CD109: variants seen among roughly 807,000 people sequenced by gnomAD.
CD109 encodes the protein CD109 molecule, also known as CD109 antigen.
Under a neutral mutation model 165.8 loss-of-function variants are expected in CD109, and 149 were observed. The ratio of observed to expected loss-of-function variants is 0.90; its 90% CI spans 0.79 to 1.03. The LOEUF is 1.03. Ranked by LOEUF, CD109 falls within the 50% of genes least tolerant of loss-of-function variation. CD109 has a pLI of 0.00. For synonymous variants in CD109, 585 were observed against 592.1 expected, an observed-to-expected ratio of 0.99 and a Z score of 0.18; for missense variants, 1,712 against 1,677.8, an observed-to-expected ratio of 1.02 and a Z score of -0.36.
At chr6:73,726,008 C>T (rs895480389) in intron 3 of CD109, among the ~76,000 whole-genome samples, 21 of 152,070 alleles carry the variant, frequency 1.4e-4, no homozygotes, top group African/African-American at 4.8e-4. Flanking sequence ...AGTGTATGGA[C>T]AAATTTGATA....
chr6:73,774,141 A>G (rs192536395), intron 15 of CD109, among the ~76,000 whole-genome samples: 6 of 152,048 alleles, frequency 3.9e-5, no homozygotes, highest in Admixed American at 2.6e-4. Flanking sequence ...TATATTTGCT[A>G]TGCGTATTTT....
chr6:73,750,194 T>C (rs1043472114), intron 5 of CD109, among the ~76,000 whole-genome samples: 10 of 152,102 alleles, frequency 6.6e-5, no homozygotes, highest in African/African-American at 2.4e-4. Context: ...AAAAGGTACC[T>C]GGGAATTTCA....
At chr6:73,792,181 C>G (rs1047539245) in intron 22 of CD109, among the ~76,000 whole-genome samples, 1 of 152,070 alleles carries the variant, frequency 6.6e-6, no homozygotes, top group Non-Finnish European at 1.5e-5. Context: ...ACACTACAAT[C>G]CTCATTGTTT....
chr6:73,816,830 G>A (rs75509305), intron 30 of CD109, among the ~76,000 whole-genome samples: 3,605 of 152,210 alleles, frequency 0.024, 162 homozygotes, highest in African/African-American at 0.082. Context: ...GAGACATCAA[G>A]TGAAGAAACA....
rs376360514 is a variant in CD109 at position 73,806,708 on chromosome 6, C to CT, written c.2961-134dup. Reference sequence around the variant, plus strand: ...CTTTCTTTTTTGATTTTTTTCTTTCCTTGTTCCATCTTCAGTGATTCCCCC... The same window carrying CT: ...CTTTCTTTTTTGATTTTTTTCTTTCCTTTGTTCCATCTTCAGTGATTCCCCC... On this transcript the variant is annotated intron_variant, in intron 24 of 32. Transcript: ENST00000287097. 1.8e-4 allele frequency: 109 copies of CT among 615,636 alleles called. 1 individual carries two copies. The African/African-American group carries it at 1.8e-3, about 10-fold the overall frequency. 38.1% of individuals were successfully genotyped at this position (615,636 alleles called of 1,614,324 possible). A position where few individuals can be genotyped will look rare whatever the true frequency, so the allele number is the denominator to read the frequency against.
At chr6:73,788,025 C>G (rs1774762865) in intron 21 of CD109, among the ~76,000 whole-genome samples, 1 of 152,062 alleles carries the variant, frequency 6.6e-6, no homozygotes, top group Admixed American at 6.6e-5. Flanking sequence ...CAAGGCCAGT[C>G]CATGAGATGC....
chr6:73,760,186 T>C (rs1044379188), intron 7 of CD109, among the ~76,000 whole-genome samples: 2 of 151,678 alleles, frequency 1.3e-5, no homozygotes, highest in Non-Finnish European at 2.9e-5. Context: ...GGCGGGCGGG[T>C]CACAAGGTCA....
At chr6:73,724,009 A>G (rs71555213) in intron 3 of CD109, among the ~76,000 whole-genome samples, 19 of 152,238 alleles carry the variant, frequency 1.2e-4, no homozygotes, top group Admixed American at 7.2e-4. Flanking sequence ...GAGCAGTGCC[A>G]TGCTGAGACA....
chr6:73,748,117 G>A (rs1361596319), intron 5 of CD109, among the ~76,000 whole-genome samples: 1 of 152,016 alleles, frequency 6.6e-6, no homozygotes, highest in Non-Finnish European at 1.5e-5. Context: ...TGATCTGCCT[G>A]CCTCAACCTT....
chr6:73,788,633 C>CA, intron 22 of CD109, 21 bp downstream of exon 22: 1 of 1,578,644 alleles, frequency 6.3e-7, no homozygotes, highest in South Asian at 1.1e-5. Flanking sequence ...AGTATATCAC[C>CA]ATCTATTGGT....
At chr6:73,782,236 C>T (rs1774535128) in intron 17 of CD109, among the ~76,000 whole-genome samples, 1 of 152,164 alleles carries the variant, frequency 6.6e-6, no homozygotes, top group African/African-American at 2.4e-5. Flanking sequence ...GTTATGAAGT[C>T]ATTATGATCT....
intron 23 of CD109, among the ~76,000 whole-genome samples, chr6:73,802,285 G>GTATATATATA (rs1386422247): frequency 2.3e-4 from 23 of 99,606 alleles, no homozygotes; most frequent in African/African-American, 5.7e-4. Context: ...GTGTGTGTGT[G>GTATATATATA]TGTGTATATA....
intron 23 of CD109, among the ~76,000 whole-genome samples, chr6:73,793,720 GT>G (rs1034268321): frequency 2.0e-4 from 31 of 152,306 alleles, no homozygotes; most frequent in African/African-American, 7.5e-4. Flanking sequence ...GCTTACCAAA[GT>G]TACAGTCTCA....
chr6:73,728,004 T>C (rs926733508), intron 3 of CD109, among the ~76,000 whole-genome samples: 4 of 152,132 alleles, frequency 2.6e-5, no homozygotes, highest in Non-Finnish European at 5.9e-5. Flanking sequence ...TAGGGCGTCC[T>C]GGTACACAAA....
chr6:73,780,492 C>T lies in CD109; in HGVS notation c.1896C>T (p.Val632=), dbSNP rs1316930747. The part of the protein sequence containing the change: ...YLGMFMNSFA[V]FQECGLWVLT... ...GCATGTTCATGAATTCTTTTGCAGT[C>T]TTTCAGGTATGTTTTGCTTGCTATA... is the stretch of plus-strand genomic sequence containing the variant. The change falls in exon 16 of 33, where the codon GTC becomes GTT. Residue 632 remains valine (V), a synonymous_variant. Coordinates refer to ENST00000287097, the MANE Select transcript of CD109 (RefSeq NM_133493.5). 3 of 1,602,020 alleles carry T rather than the reference C, an allele frequency of 1.9e-6. No individual in the cohort carries two copies. The South Asian group carries it at 3.3e-5, about 18-fold the overall frequency.
At chr6:73,812,632 A>AG (rs944212060) in intron 29 of CD109, among the ~76,000 whole-genome samples, 1 of 152,124 alleles carries the variant, frequency 6.6e-6, no homozygotes, top group African/African-American at 2.4e-5. Context: ...TATTGACTTG[A>AG]GGGGAGGAAT....
intron 3 of CD109, among the ~76,000 whole-genome samples, chr6:73,728,920 G>A (rs1021049256): frequency 3.3e-5 from 5 of 152,216 alleles, no homozygotes; most frequent in Non-Finnish European, 5.9e-5. Context: ...TGTGGGTGAA[G>A]AATTGGGAAC....
chr6:73,711,004 T>A (rs565268207), intron 2 of CD109, among the ~76,000 whole-genome samples: 1 of 152,204 alleles, frequency 6.6e-6, no homozygotes, highest in Non-Finnish European at 1.5e-5. Context: ...TCTTTTGATA[T>A]TCCCCCCAGC....
chr6:73,759,429 G>A (rs1773527417), intron 7 of CD109, among the ~76,000 whole-genome samples: 1 of 151,722 alleles, frequency 6.6e-6, no homozygotes, highest in Non-Finnish European at 1.5e-5. Context: ...TCCTGCCTTG[G>A]TCTCCTAAAG....
Sources: gnomAD v4.1 joint callset for allele counts (sites outside exome capture counted in the v4.1 genomes callset) on GRCh38, gnomAD v4.1.1 for gene constraint, MANE v1.5 for transcripts, NCBI Gene and HGNC (gene_info 2026-07-23, HGNC 2026-07-21) for gene names.